SIK2: variants seen among roughly 807,000 people sequenced by gnomAD.
SIK2 encodes salt inducible kinase 2, also known as serine/threonine-protein kinase SIK2.
Under a neutral mutation model 103.2 loss-of-function variants are expected in SIK2, and 29 were observed. That is an observed-to-expected ratio of 0.28 (90% CI 0.21 to 0.38). SIK2 has a LOEUF of 0.38. Among genes scored for constraint, SIK2 ranks in the 10% least tolerant of loss-of-function variants. SIK2 has a pLI of 1.00. For missense variants in SIK2, 879 were observed against 1,171.0 expected (o/e 0.75, Z 3.64); for synonymous variants, 412 against 446.1 (o/e 0.92, Z 0.96).
At chr11:111,721,431 A>G (rs1220483945) in intron 12 of SIK2, among the ~76,000 whole-genome samples, 1 of 152,162 alleles carries the variant, frequency 6.6e-6, no homozygotes, top group Non-Finnish European at 1.5e-5. Flanking sequence ...TCTCACCACT[A>G]CTTTTGATGT....
intron 3 of SIK2, chr11:111,672,553 C>A: frequency 5.5e-6 from 1 of 180,654 alleles, no homozygotes; most frequent in Non-Finnish European, 1.2e-5. Flanking sequence ...TCCTAGAAAG[C>A]AAAATGAATT....
chr11:111,687,216 G>A (rs562589719), intron 3 of SIK2, among the ~76,000 whole-genome samples: 31 of 152,166 alleles, frequency 2.0e-4, no homozygotes, highest in Admixed American at 1.6e-3. Context: ...AGTGAAATAT[G>A]ATTAGAAATA....
At chr11:111,689,894 CTG>C (rs1244503619) in intron 4 of SIK2, among the ~76,000 whole-genome samples, 3 of 151,004 alleles carry the variant, frequency 2.0e-5, no homozygotes, top group Non-Finnish European at 4.4e-5. Flanking sequence ...ATTCTATAGT[CTG>C]TGATTTTTTT....
chr11:111,697,355 A>G (rs560711792), intron 4 of SIK2, among the ~76,000 whole-genome samples: 2 of 152,350 alleles, frequency 1.3e-5, no homozygotes, highest in African/African-American at 4.8e-5. Context: ...TGCAGATGAT[A>G]TGCTGAGAGC....
At chr11:111,645,203 T>A (rs1490908716) in intron 3 of SIK2, among the ~76,000 whole-genome samples, 1 of 152,188 alleles carries the variant, frequency 6.6e-6, no homozygotes, top group Non-Finnish European at 1.5e-5. Flanking sequence ...AAAGCAAATA[T>A]ATCCTATGAC....
intron 12 of SIK2, 113 bp from the exon 13 acceptor site, chr11:111,721,715 TAA>T: frequency 1.5e-6 from 1 of 678,150 alleles, no homozygotes; most frequent in Non-Finnish European, 2.4e-6. Context: ...TGAGTATTAA[TAA>T]GTCTCAGTGG....
intron 3 of SIK2, among the ~76,000 whole-genome samples, chr11:111,675,739 T>C (rs1047386844): frequency 6.6e-6 from 1 of 152,196 alleles, no homozygotes; most frequent in Non-Finnish European, 1.5e-5. Flanking sequence ...CCAGTGCCAA[T>C]TTTTTTCTTT....
At chr11:111,623,672 C>T (rs1197562541) in intron 3 of SIK2, among the ~76,000 whole-genome samples, 1 of 152,184 alleles carries the variant, frequency 6.6e-6, no homozygotes, top group Non-Finnish European at 1.5e-5. Flanking sequence ...GGAACAGGCA[C>T]CATTCCTGGC....
rs150947382 is a variant in SIK2 at position 111,633,927 on chromosome 11, G to A, written c.316+13525G>A. 3.1e-3 allele frequency among the ~76,000 whole-genome samples: 472 copies of A among 152,274 alleles called. 1 individual carries two copies. Among genetic ancestry groups the A allele is most frequent in the South Asian group, 0.029 (142 of 4,824 alleles). ...CATTTTTTCCTCTGGAATCACAGGT[G>A]TGATTAATGAAAGTTATTCACTATT... On this transcript the variant is annotated intron_variant, in intron 3 of 14. Transcript: ENST00000304987.
chr11:111,620,652 G>A (rs1941870657), intron 3 of SIK2, among the ~76,000 whole-genome samples: 2 of 152,074 alleles, frequency 1.3e-5, no homozygotes, highest in Non-Finnish European at 2.9e-5. Context: ...GGAACTTTTA[G>A]TCATATTGCA....
intron 3 of SIK2, among the ~76,000 whole-genome samples, chr11:111,625,155 A>G (rs1292795796): frequency 2.0e-5 from 3 of 152,210 alleles, no homozygotes; most frequent in African/African-American, 4.8e-5. Flanking sequence ...TGACTCTTAC[A>G]TGAATAAAAT....
At chr11:111,709,560 T>A (rs1181109417) in intron 8 of SIK2, among the ~76,000 whole-genome samples, 1 of 152,246 alleles carries the variant, frequency 6.6e-6, no homozygotes, top group Non-Finnish European at 1.5e-5. Flanking sequence ...TTGGACATAA[T>A]CATTGCGTAT....
At position 111,723,619 on chromosome 11, in the gene SIK2, G is replaced by A. The variant is rs1943869368; in HGVS notation, c.2271G>A (p.Glu757=). The A allele has an allele frequency of 2.5e-6, 4 of 1,613,792 alleles. No individual in the cohort carries two copies. The highest frequency in any genetic ancestry group is 4.5e-5 in the East Asian group (2 of 44,878). Residue 757 remains glutamate (E), a synonymous_variant, in exon 15 of 15, where the codon GAG becomes GAA. Transcript: ENST00000304987. ...AGCAGCTGCCCCTTCCCCGCCAGGAGACTCCACCGCCTTCTCAGCAGGCCC... is the reference window on the plus strand; with the variant it reads ...AGCAGCTGCCCCTTCCCCGCCAGGAAACTCCACCGCCTTCTCAGCAGGCCC... ...PSQQLPLPRQ[E]TPPPSQQAPP... is the part of the protein sequence containing the mutation.
chr11:111,690,813 T>C (rs572309008), intron 4 of SIK2, among the ~76,000 whole-genome samples: 7 of 152,226 alleles, frequency 4.6e-5, no homozygotes, highest in Non-Finnish European at 1.0e-4. Context: ...GTCTGCGTAG[T>C]ATTCCATTGT....
intron 3 of SIK2, among the ~76,000 whole-genome samples, chr11:111,648,238 A>G (rs542745837): frequency 1.3e-5 from 2 of 152,224 alleles, no homozygotes; most frequent in African/African-American, 2.4e-5. Flanking sequence ...AAAGCAGTTT[A>G]TTTTAATGCC....
In SIK2 at chr11:111,723,636, A is replaced by T; in HGVS notation, c.2288A>T (p.Gln763Leu). 1 of 1,614,102 alleles carries T rather than the reference A, an allele frequency of 6.2e-7. No individual in the cohort carries two copies. Among genetic ancestry groups the T allele is most frequent in the Non-Finnish European group, 8.5e-7 (1 of 1,180,018 alleles). Reference protein sequence around the residue: ...LPRQETPPPSQQAPPFSLTQP... With the variant: ...LPRQETPPPSLQAPPFSLTQP... ...CGCCAGGAGACTCCACCGCCTTCTC[A>T]GCAGGCCCCACCGTTCAGCCTGACC... is the stretch of plus-strand genomic sequence containing the variant. Residue 763 changes from glutamine to leucine, a missense_variant, in exon 15 of 15, where the codon CAG becomes CTG. By Grantham distance (113) the Gln-to-Leu change is moderately radical. This residue lies in a region of SIK2 where 375 missense variants were observed against 416.3 expected (regional missense o/e 0.90). Coordinates refer to ENST00000304987, the MANE Select transcript of SIK2 (RefSeq NM_015191.3).
intron 3 of SIK2, among the ~76,000 whole-genome samples, chr11:111,676,766 T>C (rs1437425075): frequency 6.6e-6 from 1 of 152,214 alleles, no homozygotes; most frequent in African/African-American, 2.4e-5. Context: ...AAGTTTGACA[T>C]TTGAATCCTA....
At chr11:111,630,820 G>A (rs1367825723) in intron 3 of SIK2, among the ~76,000 whole-genome samples, 1 of 152,144 alleles carries the variant, frequency 6.6e-6, no homozygotes, top group Non-Finnish European at 1.5e-5. Context: ...AGAGGTTAAG[G>A]ATGCATGGGT....
At chr11:111,633,998 G>GTGCA (rs1411478542) in intron 3 of SIK2, among the ~76,000 whole-genome samples, 2 of 152,130 alleles carry the variant, frequency 1.3e-5, no homozygotes. Context: ...ATGTGGTCAT[G>GTGCA]TGCAGTAAAT....
Sources: allele counts gnomAD v4.1 joint callset (sites outside exome capture counted in the v4.1 genomes callset), GRCh38; gene constraint gnomAD v4.1.1; regional missense constraint gnomAD v4.1.1; transcripts MANE v1.5; gene names NCBI Gene and HGNC (gene_info 2026-07-23, HGNC 2026-07-21).